Variants in IQCM observed in about 807,000 individuals in gnomAD.
IQCM encodes the protein IQ domain-containing protein M.
In IQCM, 45 loss-of-function variants were observed where a neutral mutation model predicts 57.6. The ratio of observed to expected loss-of-function variants is 0.78; its 90% confidence interval spans 0.62 to 1.00. IQCM has a LOEUF of 1.00. IQCM is among the 50% of genes least tolerant of loss of function. The pLI, the probability that IQCM is intolerant of heterozygous loss-of-function variation, is 0.00. For synonymous variants in IQCM, 148 were observed against 158.9 expected, an observed-to-expected ratio of 0.93 and a Z score of 0.51; for missense variants, 468 against 511.6, an observed-to-expected ratio of 0.91 and a Z score of 0.82.
At chr4:149,482,738 CT>C (rs767893491) in intron 12 of IQCM, among the ~76,000 whole-genome samples, 112 of 138,020 alleles carry the variant, frequency 8.1e-4, no homozygotes, top group African/African-American at 1.4e-3. Flanking sequence ...CTGAAGTTTT[CT>C]TTTTTTTTTT....
At chr4:149,579,761 G>C (rs952596039) in intron 9 of IQCM, among the ~76,000 whole-genome samples, 1 of 151,824 alleles carries the variant, frequency 6.6e-6, no homozygotes, top group Non-Finnish European at 1.5e-5. Context: ...CACTTGACTT[G>C]GAGGTATATG....
At chr4:149,787,837 C>T (rs543992684) in intron 2 of IQCM, among the ~76,000 whole-genome samples, 1 of 152,140 alleles carries the variant, frequency 6.6e-6, no homozygotes, top group South Asian at 2.1e-4. Flanking sequence ...ACAAATGGGA[C>T]TATATTAAAG....
At chr4:149,436,503 T>A (rs1376297600) in intron 12 of IQCM, among the ~76,000 whole-genome samples, 1 of 152,068 alleles carries the variant, frequency 6.6e-6, no homozygotes, top group Non-Finnish European at 1.5e-5. Flanking sequence ...CAATTGATAG[T>A]GTCAATGGAG....
At chr4:149,671,643 C>T (rs1252986508) in intron 7 of IQCM, among the ~76,000 whole-genome samples, 1 of 152,156 alleles carries the variant, frequency 6.6e-6, no homozygotes, top group Non-Finnish European at 1.5e-5. Context: ...CTACACACTG[C>T]TTTAAATGTG....
chr4:149,530,556 T>C (rs912600174), intron 12 of IQCM, among the ~76,000 whole-genome samples: 3 of 152,158 alleles, frequency 2.0e-5, no homozygotes, highest in Admixed American at 6.5e-5. Flanking sequence ...TGAGACAGTA[T>C]CATGGCAAAG....
chr4:149,353,581 T>C lies in IQCM; in HGVS notation c.1391-1515A>G, dbSNP rs530916911. ...AGATTAAAGAACTGTAGCATATATATACAATGGAATATTATTCAGCCTTAA... is the reference window on the plus strand; with the variant it reads ...AGATTAAAGAACTGTAGCATATATACACAATGGAATATTATTCAGCCTTAA... On this transcript the variant is annotated intron_variant, in intron 13 of 13. Coordinates refer to ENST00000636793, the MANE Select transcript of IQCM (RefSeq NM_001363507.2). 3.9e-5 allele frequency among the ~76,000 whole-genome samples: 6 copies of C among 152,236 alleles called. No individual in the cohort carries two copies. The South Asian group carries it at 1.0e-3, about 26-fold the overall frequency.
At chr4:149,637,951 G>T (rs987407490) in intron 7 of IQCM, among the ~76,000 whole-genome samples, 2 of 152,032 alleles carry the variant, frequency 1.3e-5, no homozygotes, top group African/African-American at 2.4e-5. Flanking sequence ...TGGAAAAATT[G>T]GACTTAATCA....
At chr4:149,648,990 C>T (rs1337393554) in intron 7 of IQCM, among the ~76,000 whole-genome samples, 1 of 152,042 alleles carries the variant, frequency 6.6e-6, no homozygotes, top group Non-Finnish European at 1.5e-5. Context: ...TTTCCTTATG[C>T]CAGCATCTCG....
chr4:149,617,800 G>A lies in IQCM; in HGVS notation c.681+3329C>T, dbSNP rs76197466. The stretch of plus-strand genomic sequence containing the variant: ...AACACTGAGGAATACATTTAAGCTA[G>A]GGAGTGAAATATCTCAACAAGGACA... On this transcript the variant is annotated intron_variant, in intron 8 of 13. Coordinates refer to ENST00000636793, the MANE Select transcript of IQCM (RefSeq NM_001363507.2). Among the ~76,000 whole-genome samples, 607 of 152,170 alleles carry A rather than the reference G, an allele frequency of 4.0e-3. 2 individuals are homozygous for A. Among genetic ancestry groups the A allele is most frequent in the African/African-American group, 0.014 (581 of 41,512 alleles).
chr4:149,539,661 G>T (rs1006994290), intron 12 of IQCM, among the ~76,000 whole-genome samples: 1 of 152,110 alleles, frequency 6.6e-6, no homozygotes, highest in African/African-American at 2.4e-5. Flanking sequence ...AGGAGTTTGA[G>T]ACCAGGCTGG....
chr4:149,688,279 A>G (rs1394545343), intron 5 of IQCM, among the ~76,000 whole-genome samples: 1 of 152,096 alleles, frequency 6.6e-6, no homozygotes, highest in East Asian at 1.9e-4. Context: ...TAATGTACAC[A>G]AATCAGTAGC....
intron 7 of IQCM, among the ~76,000 whole-genome samples, chr4:149,659,321 A>G (rs1203286572): frequency 4.6e-5 from 7 of 152,152 alleles, no homozygotes; most frequent in Non-Finnish European, 1.5e-5. Flanking sequence ...CCGCTCAATG[A>G]AATAAAAGAG....
At chr4:149,602,596 A>G (rs1234451780) in intron 8 of IQCM, among the ~76,000 whole-genome samples, 1 of 151,706 alleles carries the variant, frequency 6.6e-6, no homozygotes, top group African/African-American at 2.4e-5. Flanking sequence ...CTTATTTTCT[A>G]TTTTCTTTTC....
chr4:149,354,525 A>C (rs1728821539), intron 13 of IQCM, among the ~76,000 whole-genome samples: 1 of 152,078 alleles, frequency 6.6e-6, no homozygotes, highest in Non-Finnish European at 1.5e-5. Context: ...TGAGATATGC[A>C]TTCTAGTTCT....
intron 12 of IQCM, among the ~76,000 whole-genome samples, chr4:149,539,523 T>C (rs1057385393): frequency 7.9e-5 from 12 of 152,112 alleles, no homozygotes; most frequent in Non-Finnish European, 1.2e-4. Context: ...ATCCTTACAA[T>C]GGGTGAATTT....
At chr4:149,518,866 T>C (rs1021523182) in intron 12 of IQCM, among the ~76,000 whole-genome samples, 1 of 152,142 alleles carries the variant, frequency 6.6e-6, no homozygotes, top group Non-Finnish European at 1.5e-5. Context: ...TGGAAACATA[T>C]AGAAAGCAAC....
At chr4:149,683,078 G>C (rs905118266) in intron 6 of IQCM, among the ~76,000 whole-genome samples, 6 of 151,050 alleles carry the variant, frequency 4.0e-5, no homozygotes, top group Non-Finnish European at 8.9e-5. Flanking sequence ...ATGTACAAAG[G>C]TGCACATTGT....
intron 12 of IQCM, among the ~76,000 whole-genome samples, chr4:149,528,927 C>G (rs936721687): frequency 6.6e-6 from 1 of 151,894 alleles, no homozygotes; most frequent in South Asian, 2.1e-4. Flanking sequence ...TTCTGCTGCA[C>G]TAAAGGGTCT....
chr4:149,527,317 C>A (rs1400076287), intron 12 of IQCM, among the ~76,000 whole-genome samples: 1 of 152,134 alleles, frequency 6.6e-6, no homozygotes, highest in African/African-American at 2.4e-5. Context: ...AATGTTTGTG[C>A]CTTTCCCCAA....
Sources: allele counts gnomAD v4.1 joint callset (sites outside exome capture counted in the v4.1 genomes callset), GRCh38; gene constraint gnomAD v4.1.1; transcripts MANE v1.5; gene names NCBI Gene and HGNC (gene_info 2026-07-23, HGNC 2026-07-21).